Variants in ZFHX4 observed in about 807,000 individuals in gnomAD.
The protein encoded by ZFHX4 is zinc finger homeobox 4, also known as zinc finger homeobox protein 4.
ZFHX4 carries 56 observed loss-of-function variants against 267.6 expected under a neutral mutation model. That is an observed-to-expected ratio of 0.21 (90% CI 0.17 to 0.26). The LOEUF (loss-of-function observed/expected upper bound fraction) is 0.26. Ranked by LOEUF, ZFHX4 falls within the 10% of genes least tolerant of loss-of-function variation. The pLI is 1.00. For synonymous variants in ZFHX4, 1,778 were observed against 1,665.6 expected, an observed-to-expected ratio of 1.07 and a Z score of -1.64; for missense variants, 4,332 against 4,420.0, an observed-to-expected ratio of 0.98 and a Z score of 0.56.
At chr8:76,827,755 T>TGG (rs1174809481) in intron 4 of ZFHX4, among the ~76,000 whole-genome samples, 3 of 152,142 alleles carry the variant, frequency 2.0e-5, no homozygotes, top group Admixed American at 1.3e-4. Context: ...CACAAATTCC[T>TGG]GGCTGAGGAG....
intron 4 of ZFHX4, among the ~76,000 whole-genome samples, chr8:76,783,023 A>AGT (rs1368734912): frequency 1.3e-5 from 2 of 152,082 alleles, no homozygotes; most frequent in Non-Finnish European, 1.5e-5. Context: ...AGAAGAGCAT[A>AGT]GAAAGGTCTC....
At chr8:76,792,126 G>A (rs928205974) in intron 4 of ZFHX4, among the ~76,000 whole-genome samples, 1 of 152,006 alleles carries the variant, frequency 6.6e-6, no homozygotes, top group Admixed American at 6.6e-5. Context: ...ATGCTATATG[G>A]CCAGAGCCCT....
At position 76,865,973 on chromosome 8, in the gene ZFHX4, C is replaced by T. The variant is rs914693584; in HGVS notation, c.*1408C>T. ...TTGTTTTGCTTGCCATGAATTTCAA[C>T]TTCCACCACCCAGTGAATTGATTTA... On this transcript the variant is annotated 3_prime_UTR_variant, in exon 11 of 11. Transcript: ENST00000651372. The T allele has an allele frequency of 6.6e-6, 1 of 152,580 alleles. No individual in the cohort carries two copies. Among genetic ancestry groups the T allele is most frequent in the African/African-American group, 2.4e-5 (1 of 41,450 alleles). 9.5% of individuals were successfully genotyped at this position (152,580 alleles called of 1,614,324 possible).
chr8:76,775,883 A>T (rs1050632980), intron 3 of ZFHX4, among the ~76,000 whole-genome samples: 5 of 151,018 alleles, frequency 3.3e-5, no homozygotes, highest in African/African-American at 1.2e-4. Context: ...GTTGGTGGAA[A>T]AAGTAAGTTT....
At chr8:76,800,657 A>G (rs762219106) in intron 4 of ZFHX4, among the ~76,000 whole-genome samples, 2 of 152,192 alleles carry the variant, frequency 1.3e-5, no homozygotes, top group Non-Finnish European at 2.9e-5. Flanking sequence ...TAACAAGCCA[A>G]TCTTAATCAG....
At chr8:76,732,254 A>G (rs189185239) in intron 3 of ZFHX4, among the ~76,000 whole-genome samples, 83 of 152,250 alleles carry the variant, frequency 5.5e-4, no homozygotes, top group African/African-American at 1.9e-3. Context: ...TCATCAGTGT[A>G]TAATTATGTA....
chr8:76,735,154 AT>A (rs1349715246), intron 3 of ZFHX4, among the ~76,000 whole-genome samples: 1 of 152,150 alleles, frequency 6.6e-6, no homozygotes, highest in Non-Finnish European at 1.5e-5. Context: ...TTACAAGTGT[AT>A]GCTATTCTGC....
chr8:76,834,291 A>G (rs1424585998), intron 5 of ZFHX4: 1 of 233,606 alleles, frequency 4.3e-6, no homozygotes, highest in African/African-American at 2.3e-5. Flanking sequence ...GAGCATGTTT[A>G]GTTTTGTAAA....
At chr8:76,862,981 A>G (rs1294888059) in intron 10 of ZFHX4, 113 bp from the exon 11 acceptor site, 1 of 1,397,282 alleles carries the variant, frequency 7.2e-7, no homozygotes, top group Non-Finnish European at 9.3e-7. Context: ...TGTGTAATAC[A>G]TCTTTTCTGA....
At chr8:76,757,911 G>A (rs1275295386) in intron 3 of ZFHX4, among the ~76,000 whole-genome samples, 1 of 152,178 alleles carries the variant, frequency 6.6e-6, no homozygotes, top group Non-Finnish European at 1.5e-5. Flanking sequence ...GTGGACCAGG[G>A]ATGTCCCTAG....
rs1248939998 is a variant in ZFHX4, at chr8:76,863,326, G to A, written c.9612G>A (p.Glu3204=). ...CAAACAAGGTGAAAAAAATCAAAGA[G>A]GAGGAATTAGAGGCCACCAAACCCG... ...TKPNKVKKIK[E]EELEATKPEK... The change falls in exon 11 of 11, where the codon GAG becomes GAA. Residue 3204 remains glutamate, a synonymous_variant. Transcript: ENST00000651372. 6.2e-6 allele frequency: 10 copies of A among 1,613,166 alleles called. No homozygotes were observed. Among genetic ancestry groups the A allele is most frequent in the East Asian group, 2.2e-5 (1 of 44,850 alleles).
intron 3 of ZFHX4, among the ~76,000 whole-genome samples, chr8:76,722,504 C>T (rs1301511264): frequency 6.6e-6 from 1 of 151,876 alleles, no homozygotes; most frequent in Non-Finnish European, 1.5e-5. Flanking sequence ...GAAAAATATA[C>T]ACAAATACCT....
chr8:76,815,072 A>G (rs949868298), intron 4 of ZFHX4, among the ~76,000 whole-genome samples: 5 of 152,184 alleles, frequency 3.3e-5, no homozygotes, highest in Admixed American at 1.3e-4. Context: ...AATAAGAATG[A>G]ATAAGGTTAT....
Position 76,863,441 on chromosome 8 carries a change from T to C in ZFHX4, c.9727T>C (p.Leu3243=). 5 of 1,613,988 alleles carry C rather than the reference T, an allele frequency of 3.1e-6. No individual in the cohort carries two copies. The highest frequency in any genetic ancestry group is 3.4e-6 in the Non-Finnish European group (4 of 1,179,870). The change falls in exon 11 of 11, where the codon TTG becomes CTG. Residue 3243 remains leucine (L), a synonymous_variant. Coordinates refer to ENST00000651372, the MANE Select transcript of ZFHX4 (RefSeq NM_024721.5). ...TGAAACACATGTCGATCCTATTCAG[T>C]TGCAGGCATTACAGAATGCAATTGC... ...VGETHVDPIQ[L]QALQNAIAGD...
intron 4 of ZFHX4, among the ~76,000 whole-genome samples, chr8:76,819,435 G>A (rs1279193629): frequency 6.6e-6 from 1 of 152,022 alleles, no homozygotes; most frequent in Non-Finnish European, 1.5e-5. Flanking sequence ...AGGGTGTCTT[G>A]CACCTAGTAA....
intron 1 of ZFHX4, among the ~76,000 whole-genome samples, chr8:76,683,458 G>A (rs920831276): frequency 6.6e-6 from 1 of 150,844 alleles, no homozygotes; most frequent in Non-Finnish European, 1.5e-5. Context: ...GCAGAAGATG[G>A]TGGATTGACA....
At chr8:76,773,068 G>A (rs144069639) in intron 3 of ZFHX4, among the ~76,000 whole-genome samples, 1,752 of 152,218 alleles carry the variant, frequency 0.012, 17 homozygotes, top group Non-Finnish European at 0.018. Context: ...AAGGCTTTGC[G>A]TCATCTGGAT....
chr8:76,830,774 AC>A (rs1203744051), intron 4 of ZFHX4, among the ~76,000 whole-genome samples: 1 of 152,198 alleles, frequency 6.6e-6, no homozygotes, highest in Non-Finnish European at 1.5e-5. Context: ...AAATGAAGTA[AC>A]TTTAATATGG....
chr8:76,859,433 C>A (rs561713434), intron 10 of ZFHX4, among the ~76,000 whole-genome samples: 1 of 151,970 alleles, frequency 6.6e-6, no homozygotes, highest in Non-Finnish European at 1.5e-5. Context: ...AGAATATCAA[C>A]GTATGTTTAT....
Sources: allele counts gnomAD v4.1 joint callset (sites outside exome capture counted in the v4.1 genomes callset), GRCh38; gene constraint gnomAD v4.1.1; transcripts MANE v1.5; gene names NCBI Gene and HGNC (gene_info 2026-07-23, HGNC 2026-07-21).